Variants in ELMO1 observed in about 807,000 individuals in gnomAD.
The protein encoded by ELMO1 is engulfment and cell motility protein 1.
Under a neutral mutation model 98.9 loss-of-function variants are expected in ELMO1, and 26 were observed. That is an observed-to-expected ratio of 0.26 (90% CI 0.19 to 0.36). The LOEUF (loss-of-function observed/expected upper bound fraction) is 0.36. ELMO1 is among the 10% of genes least tolerant of loss of function. The pLI, the probability that ELMO1 is intolerant of heterozygous loss-of-function variation, is 1.00. For missense variants in ELMO1, 627 were observed against 935.2 expected (o/e 0.67, Z 4.30); for synonymous variants, 346 against 346.0 (o/e 1.00, Z 0.00).
At chr7:37,235,898 C>T (rs771034856) in intron 7 of ELMO1, among the ~76,000 whole-genome samples, 2 of 152,120 alleles carry the variant, frequency 1.3e-5, no homozygotes, top group South Asian at 2.1e-4. Flanking sequence ...CCAGCCTGGG[C>T]GACAGAGTGA....
intron 15 of ELMO1, among the ~76,000 whole-genome samples, chr7:37,084,562 A>G (rs1173689824): frequency 6.6e-6 from 1 of 152,086 alleles, no homozygotes; most frequent in Non-Finnish European, 1.5e-5. Context: ...TCTCACAATA[A>G]TTCACTCCAT....
intron 17 of ELMO1, among the ~76,000 whole-genome samples, chr7:36,888,424 C>G (rs574011470): frequency 2.0e-4 from 30 of 152,076 alleles, no homozygotes; most frequent in Middle Eastern, 3.4e-3. Context: ...AAAGCCAAAA[C>G]TATTCTAGTT....
intron 2 of ELMO1, among the ~76,000 whole-genome samples, chr7:37,341,666 T>C (rs536693392): frequency 6.6e-6 from 1 of 152,226 alleles, no homozygotes; most frequent in South Asian, 2.1e-4. Flanking sequence ...TCCATATAAC[T>C]CTCGCATTGA....
intron 14 of ELMO1, among the ~76,000 whole-genome samples, chr7:37,119,294 T>G (rs1785833975): frequency 6.6e-6 from 1 of 152,222 alleles, no homozygotes; most frequent in South Asian, 2.1e-4. Context: ...GCATAAGGTT[T>G]CTTTATCTTC....
chr7:37,324,668 A>G lies in ELMO1; in HGVS notation c.79-8708T>C, dbSNP rs374402749. On this transcript the variant is annotated intron_variant, in intron 2 of 21. Coordinates refer to ENST00000310758, the MANE Select transcript of ELMO1 (RefSeq NM_014800.11). ...ATGATCTTGACTCACTGCAGCCTCA[A>G]CCTCCTGGGTTTAAGGGATTCTCCT... Among the ~76,000 whole-genome samples the G allele has an allele frequency of 2.5e-4, 38 of 152,150 alleles. 1 individual carries two copies. The East Asian group carries it at 7.2e-3, about 29-fold the overall frequency.
intron 13 of ELMO1, among the ~76,000 whole-genome samples, chr7:37,186,959 AG>A (rs1419235983): frequency 6.6e-6 from 1 of 152,248 alleles, no homozygotes; most frequent in Admixed American, 6.5e-5. Flanking sequence ...TTTTAAGTAC[AG>A]AACAAAGAGA....
At chr7:37,315,632 C>A (rs1327808802) in intron 3 of ELMO1, among the ~76,000 whole-genome samples, 1 of 152,138 alleles carries the variant, frequency 6.6e-6, no homozygotes, top group African/African-American at 2.4e-5. Flanking sequence ...CCTCAAAAAC[C>A]TTTAGAGTAC....
intron 1 of ELMO1, among the ~76,000 whole-genome samples, chr7:37,417,439 AT>A (rs1373634950): frequency 1.3e-5 from 2 of 152,128 alleles, no homozygotes; most frequent in African/African-American, 4.8e-5. Context: ...AGGTGGGAGG[AT>A]CACGAGGTCA....
In ELMO1 at chr7:37,377,646, C is replaced by T. The variant is rs147178800; in HGVS notation, c.-73-34883G>A. Among the ~76,000 whole-genome samples, 691 of 152,242 alleles carry T rather than the reference C, an allele frequency of 4.5e-3. 3 individuals carry two copies. The highest frequency in any genetic ancestry group is 0.016 in the African/African-American group (644 of 41,528). ...TTAGACTCTCTGATGGGCCAGGATTCTTCAGAGAGGAAAGCAAATTTAGGG... is the reference window on the plus strand; with the variant it reads ...TTAGACTCTCTGATGGGCCAGGATTTTTCAGAGAGGAAAGCAAATTTAGGG... On this transcript the variant is annotated intron_variant, in intron 1 of 21. Coordinates refer to ENST00000310758, the MANE Select transcript of ELMO1 (RefSeq NM_014800.11).
intron 4 of ELMO1, among the ~76,000 whole-genome samples, chr7:37,277,662 G>C (rs1283293078): frequency 6.6e-6 from 1 of 152,166 alleles, no homozygotes; most frequent in Non-Finnish European, 1.5e-5. Context: ...TTCTCCTAAG[G>C]AGAAATGCAA....
chr7:37,327,028 A>G (rs1799856457), intron 2 of ELMO1, among the ~76,000 whole-genome samples: 1 of 152,224 alleles, frequency 6.6e-6, no homozygotes. Context: ...GATATCAAGA[A>G]CAACGTTTTT....
chr7:37,224,766 T>C, intron 9 of ELMO1, 113 bp downstream of exon 9: 1 of 1,448,442 alleles, frequency 6.9e-7, no homozygotes, highest in Non-Finnish European at 9.3e-7. Context: ...CAAATTGAGA[T>C]TCTTTTTCTG....
chr7:37,233,997 G>C (rs1277064566), intron 7 of ELMO1, among the ~76,000 whole-genome samples: 5 of 152,150 alleles, frequency 3.3e-5, no homozygotes, highest in Admixed American at 6.5e-5. Flanking sequence ...ACCCTTATTA[G>C]ACAATATCCT....
chr7:37,226,744 A>G (rs955440798), intron 8 of ELMO1, among the ~76,000 whole-genome samples: 1 of 152,102 alleles, frequency 6.6e-6, no homozygotes, highest in African/African-American at 2.4e-5. Context: ...GCTGTTGCTG[A>G]TATTGTCAAG....
At chr7:37,100,681 T>G (rs1348623052) in intron 14 of ELMO1, among the ~76,000 whole-genome samples, 1 of 152,210 alleles carries the variant, frequency 6.6e-6, no homozygotes, top group East Asian at 1.9e-4. Flanking sequence ...TGTGGAGGCT[T>G]CTCTTCCACT....
At chr7:37,347,881 C>T (rs894381454) in intron 1 of ELMO1, among the ~76,000 whole-genome samples, 1 of 152,142 alleles carries the variant, frequency 6.6e-6, no homozygotes, top group African/African-American at 2.4e-5. Flanking sequence ...AGCACACAAG[C>T]CCAACTCCTC....
chr7:37,072,149 T>C (rs1359919383), intron 15 of ELMO1, among the ~76,000 whole-genome samples: 2 of 152,184 alleles, frequency 1.3e-5, no homozygotes, highest in Non-Finnish European at 1.5e-5. Flanking sequence ...TTAAAGTACA[T>C]GAAGCACCAA....
chr7:37,369,421 G>C (rs905710469), intron 1 of ELMO1, among the ~76,000 whole-genome samples: 1 of 152,094 alleles, frequency 6.6e-6, no homozygotes. Flanking sequence ...GCATCTTGAA[G>C]CATTTCAAAT....
At chr7:37,348,133 C>T (rs1159333890) in intron 1 of ELMO1, among the ~76,000 whole-genome samples, 1 of 152,214 alleles carries the variant, frequency 6.6e-6, no homozygotes, top group Admixed American at 6.5e-5. Flanking sequence ...GCATCCCCTC[C>T]TCAATGAACA....
Sources: gnomAD v4.1 joint callset for allele counts (sites outside exome capture counted in the v4.1 genomes callset) on GRCh38, gnomAD v4.1.1 for gene constraint, MANE v1.5 for transcripts, NCBI Gene and HGNC (gene_info 2026-07-23, HGNC 2026-07-21) for gene names.